Variants in DLGAP1 observed in about 807,000 individuals in gnomAD.
DLGAP1 encodes disks large-associated protein 1.
DLGAP1 carries 11 observed loss-of-function variants against 90.8 expected under a neutral mutation model. The observed-to-expected ratio is 0.12, with a 90% confidence interval of 0.08 to 0.20. The LOEUF (loss-of-function observed/expected upper bound fraction) is 0.20. Among genes scored for constraint, DLGAP1 ranks in the 10% least tolerant of loss-of-function variants. The probability of loss-of-function intolerance (pLI) is 1.00; values close to 1 mark genes in which losing one functional copy is unlikely to be tolerated. For synonymous variants in DLGAP1, 558 were observed against 540.7 expected (o/e 1.03, Z -0.44); for missense variants, 1,050 against 1,333.8 (o/e 0.79, Z 3.31).
At chr18:3,953,779 G>A (rs1436007409) in intron 3 of DLGAP1, among the ~76,000 whole-genome samples, 7 of 152,094 alleles carry the variant, frequency 4.6e-5, no homozygotes, top group Non-Finnish European at 8.8e-5. Context: ...TTTTTAAATG[G>A]AAATATTTTC....
intron 1 of DLGAP1, among the ~76,000 whole-genome samples, chr18:4,428,288 T>G (rs1251027411): frequency 6.6e-6 from 1 of 152,092 alleles, no homozygotes; most frequent in Non-Finnish European, 1.5e-5. Flanking sequence ...TGTTTAAAAG[T>G]GTGTAGCTGG....
chr18:4,372,819 TCAGGA>T (rs2081944272), intron 1 of DLGAP1, among the ~76,000 whole-genome samples: 1 of 151,532 alleles, frequency 6.6e-6, no homozygotes, highest in African/African-American at 2.4e-5. Context: ...TCCCAGCTAC[TCAGGA>T]GGCTGAGGCA....
intron 7 of DLGAP1, among the ~76,000 whole-genome samples, chr18:3,667,154 T>G (rs2059914201): frequency 6.6e-6 from 1 of 151,950 alleles, no homozygotes; most frequent in Non-Finnish European, 1.5e-5. Flanking sequence ...CTCAGCTCAC[T>G]GCAACCTCCA....
At chr18:3,990,022 T>G (rs562070261) in intron 3 of DLGAP1, among the ~76,000 whole-genome samples, 124 of 152,176 alleles carry the variant, frequency 8.1e-4, no homozygotes, top group African/African-American at 2.8e-3. Context: ...GGAACACTTT[T>G]ACACTGTTGG....
chr18:4,247,395 C>T (rs547042384), intron 1 of DLGAP1, among the ~76,000 whole-genome samples: 6 of 152,270 alleles, frequency 3.9e-5, no homozygotes, highest in South Asian at 2.1e-4. Context: ...CGAACCCATG[C>T]GGCCTTGGCT....
intron 5 of DLGAP1, among the ~76,000 whole-genome samples, chr18:3,782,444 A>C (rs2065244990): frequency 6.6e-6 from 1 of 152,212 alleles, no homozygotes; most frequent in Admixed American, 6.5e-5. Flanking sequence ...GCCTTGGTCC[A>C]AGATTTAAAG....
chr18:3,965,123 T>G (rs746155753), intron 3 of DLGAP1, among the ~76,000 whole-genome samples: 6 of 152,184 alleles, frequency 3.9e-5, no homozygotes, highest in Admixed American at 3.9e-4. Context: ...TGTAAACAAA[T>G]AGAGGCATGG....
chr18:3,823,440 TG>T (rs1422598063), intron 4 of DLGAP1, among the ~76,000 whole-genome samples: 5 of 152,178 alleles, frequency 3.3e-5, no homozygotes, highest in African/African-American at 1.2e-4. Context: ...TTAATGCCAT[TG>T]CAATGATGAA....
intron 1 of DLGAP1, among the ~76,000 whole-genome samples, chr18:4,317,946 C>A (rs1250334500): frequency 6.6e-6 from 1 of 152,096 alleles, no homozygotes; most frequent in Non-Finnish European, 1.5e-5. Flanking sequence ...CTCGTGGGTT[C>A]AAACGATTCT....
chr18:4,116,805 T>C (rs1598428318), intron 2 of DLGAP1, among the ~76,000 whole-genome samples: 1 of 152,360 alleles, frequency 6.6e-6, no homozygotes, highest in South Asian at 2.1e-4. Flanking sequence ...TCTGAACTTA[T>C]TTAAAATGTG....
chr18:4,254,338 G>T (rs1397114671), intron 1 of DLGAP1, among the ~76,000 whole-genome samples: 1 of 152,092 alleles, frequency 6.6e-6, no homozygotes, highest in Non-Finnish European at 1.5e-5. Context: ...TGGACCAACC[G>T]GTCCAATCTG....
At chr18:4,122,722 T>C (rs962282080) in intron 2 of DLGAP1, among the ~76,000 whole-genome samples, 1 of 152,048 alleles carries the variant, frequency 6.6e-6, no homozygotes, top group Non-Finnish European at 1.5e-5. Flanking sequence ...AAGGGGAGAA[T>C]GAGACCTGAG....
chr18:4,062,498 A>C (rs1455071043), intron 2 of DLGAP1, among the ~76,000 whole-genome samples: 1 of 152,170 alleles, frequency 6.6e-6, no homozygotes, highest in Non-Finnish European at 1.5e-5. Flanking sequence ...TACCCAACTC[A>C]TACATGTATT....
At chr18:3,773,295 TAAAC>T (rs2064779733) in intron 5 of DLGAP1, among the ~76,000 whole-genome samples, 1 of 152,190 alleles carries the variant, frequency 6.6e-6, no homozygotes, top group African/African-American at 2.4e-5. Context: ...CATTTGGTAA[TAAAC>T]TAATATTAGC....
intron 1 of DLGAP1, among the ~76,000 whole-genome samples, chr18:4,206,000 C>A (rs115664162): frequency 2.0e-5 from 3 of 151,998 alleles, no homozygotes; most frequent in African/African-American, 7.3e-5. Flanking sequence ...GAGAGAGTTG[C>A]CTATTTCAGA....
At chr18:3,856,016 T>C (rs2069622310) in intron 4 of DLGAP1, among the ~76,000 whole-genome samples, 1 of 152,184 alleles carries the variant, frequency 6.6e-6, no homozygotes, top group African/African-American at 2.4e-5. Flanking sequence ...GAATGGAAAG[T>C]GCCATTGGGG....
At chr18:3,593,668 T>C (rs2056407972) in intron 7 of DLGAP1, 2 of 152,068 alleles carry the variant, frequency 1.3e-5, no homozygotes, top group African/African-American at 2.4e-5. Flanking sequence ...CAGTTGGTAG[T>C]TGCTAGTATT....
intron 1 of DLGAP1, among the ~76,000 whole-genome samples, chr18:4,405,841 C>G (rs1245938969): frequency 1.3e-5 from 2 of 152,140 alleles, no homozygotes; most frequent in East Asian, 1.9e-4. Context: ...TTTTGACTAC[C>G]AGTTGTCCAA....
chr18:3,597,671 G>A (rs1035668486), intron 7 of DLGAP1: 1 of 186,686 alleles, frequency 5.4e-6, no homozygotes, highest in African/African-American at 2.4e-5. Context: ...AGAGGGCCTG[G>A]AGCCAGGGCT....
Sources: allele counts gnomAD v4.1 joint callset (sites outside exome capture counted in the v4.1 genomes callset), GRCh38; gene constraint gnomAD v4.1.1; transcripts MANE v1.5; gene names NCBI Gene and HGNC (gene_info 2026-07-23, HGNC 2026-07-21).